The following BNIPL variants were observed in gnomAD, a reference collection of about 807,000 sequenced individuals.
BNIPL encodes the protein bcl-2/adenovirus E1B 19 kDa-interacting protein 2-like protein.
BNIPL carries 33 observed loss-of-function variants against 47.0 expected under a neutral mutation model. That is an observed-to-expected ratio of 0.70 (90% CI 0.53 to 0.94). The LOEUF is 0.94. Ranked by LOEUF, BNIPL falls within the 40% of genes least tolerant of loss-of-function variation. The pLI, the probability that BNIPL is intolerant of heterozygous loss-of-function variation, is 0.00. For synonymous variants in BNIPL, 145 were observed against 162.7 expected, an observed-to-expected ratio of 0.89 and a Z score of 0.83; for missense variants, 404 against 445.2, an observed-to-expected ratio of 0.91 and a Z score of 0.83.
At chr1:151,038,287 C>T (rs2102959294) in intron 2 of BNIPL, 2 of 569,828 alleles carry the variant, frequency 3.5e-6, no homozygotes, top group South Asian at 2.2e-5. Context: ...GGTGGGAGGA[C>T]CGCTTGAACC....
intron 9 of BNIPL, 54 bp downstream of exon 9, chr1:151,046,219 T>A: frequency 6.2e-7 from 1 of 1,602,284 alleles, no homozygotes; most frequent in Non-Finnish European, 8.5e-7. Flanking sequence ...AAAGCCAATC[T>A]CTACTTTTTT....
intron 7 of BNIPL, chr1:151,045,087 A>C (rs1192353703): frequency 1.8e-6 from 1 of 540,656 alleles, no homozygotes; most frequent in Admixed American, 4.4e-5. Flanking sequence ...ACATGGTGAC[A>C]AGTCATTATC....
In BNIPL at chr1:151,038,825, T is replaced by C; in HGVS notation, c.232T>C (p.Cys78Arg). ...AAGTPSTLALCGQRPMRKRLS... is the reference protein window; with the variant it reads ...AAGTPSTLALRGQRPMRKRLS... Reference sequence around the variant, plus strand: ...AGGTACCCCCAGCACTTTAGCCCTGTGTGGCCAGCGCCCCATGCGCAAGCG... The same window carrying C: ...AGGTACCCCCAGCACTTTAGCCCTGCGTGGCCAGCGCCCCATGCGCAAGCG... Residue 78 changes from cysteine (C) to arginine (R), a missense_variant, in exon 4 of 10, where the codon TGT (cysteine) becomes CGT (arginine). Coordinates refer to ENST00000368931, the MANE Select transcript of BNIPL (RefSeq NM_138278.4). 3 of 1,607,098 alleles carry C rather than the reference T, an allele frequency of 1.9e-6. No individual in the cohort carries two copies. Among genetic ancestry groups the C allele is most frequent in the Admixed American group, 3.4e-5 (2 of 59,006 alleles).
chr1:151,037,061 A>G (rs1675628724), intron 1 of BNIPL, among the ~76,000 whole-genome samples: 1 of 152,218 alleles, frequency 6.6e-6, no homozygotes, highest in African/African-American at 2.4e-5. Context: ...CTCACCCTCC[A>G]GAATGGCCAT....
At chr1:151,037,298 T>C (rs1341552823) in intron 1 of BNIPL, 1 of 1,119,246 alleles carries the variant, frequency 8.9e-7, no homozygotes, top group African/African-American at 1.6e-5. Context: ...GGGACATCTC[T>C]CACCCCAACT....
chr1:151,036,904 G>C (rs1675620420), intron 1 of BNIPL, 138 bp downstream of exon 1: 1 of 846,318 alleles, frequency 1.2e-6, no homozygotes, highest in Non-Finnish European at 1.9e-6. Context: ...GCAGAGAAGA[G>C]ATGAGGGTGG....
intron 9 of BNIPL, 144 bp downstream of exon 9, chr1:151,046,309 C>T (rs1676021361): frequency 2.3e-6 from 3 of 1,277,916 alleles, no homozygotes; most frequent in Non-Finnish European, 3.1e-6. Context: ...GGGGAAACTG[C>T]ACACACCCAG....
chr1:151,045,135 G>A (rs1387435299), intron 7 of BNIPL: 1 of 271,368 alleles, frequency 3.7e-6, no homozygotes, highest in Non-Finnish European at 6.6e-6. Context: ...GGGCATGGTG[G>A]CATGTGCCTA....
In BNIPL at chr1:151,046,787, C is replaced by T. The variant is rs1676041817; in HGVS notation, c.*100C>T. 1 of 956,784 alleles carries T rather than the reference C, an allele frequency of 1.0e-6. No homozygotes were observed. Among genetic ancestry groups the T allele is most frequent in the African/African-American group, 1.7e-5 (1 of 59,634 alleles). 59.3% of individuals were successfully genotyped at this position (956,784 alleles called of 1,614,324 possible). On this transcript the variant is annotated 3_prime_UTR_variant, in exon 10 of 10. Coordinates refer to ENST00000368931, the MANE Select transcript of BNIPL (RefSeq NM_138278.4). ...TTTTGTAAATCATCTTATCCCCAAC[C>T]TCAGTACCACCGGATCTTCACTTCT...
chr1:151,043,766 A>G, intron 7 of BNIPL, 39 bp downstream of exon 7: 1 of 1,549,302 alleles, frequency 6.5e-7, no homozygotes, highest in East Asian at 2.3e-5. Context: ...TCTCTATCTC[A>G]TCTTTTTTTC....
chr1:151,037,729 G>A (rs1349063329), intron 2 of BNIPL, 67 bp downstream of exon 2: 26 of 1,359,888 alleles, frequency 1.9e-5, no homozygotes, highest in African/African-American at 4.4e-5. Context: ...GGGATGGCGC[G>A]GCGGCTCATG....
chr1:151,036,657 G>C lies in BNIPL; in HGVS notation c.-69G>C. On this transcript the variant is annotated 5_prime_UTR_variant, in exon 1 of 10. Coordinates refer to ENST00000368931, the MANE Select transcript of BNIPL (RefSeq NM_138278.4). Reference sequence around the variant, plus strand: ...ACAGAAAAGAGGTAAGGAAGTGTTGGGGGCTGGGACAACCAGCTCCCCAAC... The same window carrying C: ...ACAGAAAAGAGGTAAGGAAGTGTTGCGGGCTGGGACAACCAGCTCCCCAAC... The C allele has an allele frequency of 1.4e-6, 2 of 1,404,796 alleles. No homozygotes were observed. The highest frequency in any genetic ancestry group is 2.0e-6 in the Non-Finnish European group (2 of 990,264). 87.0% of individuals were successfully genotyped at this position (1,404,796 alleles called of 1,614,324 possible).
At position 151,047,615 on chromosome 1, in the gene BNIPL, T is replaced by C; in HGVS notation, c.*928T>C. On this transcript the variant is annotated 3_prime_UTR_variant, in exon 10 of 10. Transcript: ENST00000368931. ...CTGCTCCAAAGAAGTGAACGACTCT[T>C]TCACCACCCCTTGCATCCCAAACCT... is the stretch of plus-strand genomic sequence containing the variant. 3.4e-6 allele frequency: 2 copies of C among 594,960 alleles called. No individual in the cohort carries two copies. Among genetic ancestry groups the C allele is most frequent in the Non-Finnish European group, 5.6e-6 (2 of 359,392 alleles). 36.9% of individuals were successfully genotyped at this position (594,960 alleles called of 1,614,324 possible). A position where few individuals can be genotyped will look rare whatever the true frequency, so the allele number is the denominator to read the frequency against.
At chr1:151,045,923 C>G in intron 8 of BNIPL, 40 bp downstream of exon 8, 3 of 1,613,910 alleles carry the variant, frequency 1.9e-6, no homozygotes, top group Non-Finnish European at 2.5e-6. Context: ...CTCCTTCCCC[C>G]CATTTTCAAA....
intron 2 of BNIPL, 35 bp from the exon 3 acceptor site, chr1:151,038,469 A>T: frequency 6.5e-7 from 1 of 1,531,092 alleles, no homozygotes; most frequent in Non-Finnish European, 9.0e-7. Flanking sequence ...CCTTTGGTGT[A>T]TATGTCTGCC....
intron 3 of BNIPL, 107 bp downstream of exon 3, chr1:151,038,675 C>A: frequency 6.3e-7 from 1 of 1,575,966 alleles, no homozygotes. Context: ...CCAAATCTCC[C>A]CTGCGTGAGT....
Position 151,036,617 on chromosome 1 carries a change from G to A in BNIPL, c.-109G>A. 1 of 1,048,802 alleles carries A rather than the reference G, an allele frequency of 9.5e-7. No homozygotes were observed. Among genetic ancestry groups the A allele is most frequent in the Admixed American group, 1.8e-5 (1 of 55,592 alleles). The allele number at this position is 1,048,802 out of a possible 1,614,324, so 65.0% of individuals were successfully genotyped here. A position where few individuals can be genotyped will look rare whatever the true frequency, so the allele number is the denominator to read the frequency against. ...CACACCTCCCTCCTTGGAGGCAAGA[G>A]CTACAACAGCTGAGACAGAAAAGAG... On this transcript the variant is annotated 5_prime_UTR_variant, in exon 1 of 10. Transcript: ENST00000368931.
At chr1:151,044,779 T>G in intron 7 of BNIPL, 1 of 634,948 alleles carries the variant, frequency 1.6e-6, no homozygotes, top group Non-Finnish European at 2.1e-6. Context: ...CCTTCTCAGG[T>G]TTTTTTTTTT....
At chr1:151,044,962 T>C in intron 7 of BNIPL, 1 of 1,285,858 alleles carries the variant, frequency 7.8e-7, no homozygotes. Context: ...AAGATGGAAA[T>C]GGAGCAGAAA....
Sources: gnomAD v4.1 joint callset for allele counts (sites outside exome capture counted in the v4.1 genomes callset) on GRCh38, gnomAD v4.1.1 for gene constraint, MANE v1.5 for transcripts, NCBI Gene and HGNC (gene_info 2026-07-23, HGNC 2026-07-21) for gene names.